The following NOL4L variants were observed in gnomAD, a reference collection of about 807,000 sequenced individuals.
NOL4L encodes nucleolar protein 4-like.
Under a neutral mutation model 64.5 loss-of-function variants are expected in NOL4L, and 7 were observed. That is an observed-to-expected ratio of 0.11 (90% CI 0.06 to 0.20). NOL4L has a LOEUF of 0.20. NOL4L is among the 10% of genes least tolerant of loss of function. The probability of loss-of-function intolerance (pLI) is 1.00; values close to 1 mark genes in which losing one functional copy is unlikely to be tolerated. For synonymous variants in NOL4L, 413 were observed against 401.0 expected (o/e 1.03, Z -0.36); for missense variants, 680 against 967.1 (o/e 0.70, Z 3.94).
chr20:32,488,851 C>CT (rs1221603538), intron 4 of NOL4L, among the ~76,000 whole-genome samples: 1 of 70,730 alleles, frequency 1.4e-5, no homozygotes, highest in East Asian at 3.5e-4. Context: ...TTCTTTCTTT[C>CT]TTTCTTTCTT....
At position 32,531,945 on chromosome 20, in the gene NOL4L, A is replaced by G. The variant is rs527379873; in HGVS notation, c.322-4032T>C. 2.0e-5 allele frequency among the ~76,000 whole-genome samples: 3 copies of G among 152,314 alleles called. No individual in the cohort carries two copies. The South Asian group carries it at 6.2e-4, about 32-fold the overall frequency. On this transcript the variant is annotated intron_variant, in intron 1 of 10. Coordinates refer to ENST00000621426, the MANE Select transcript of NOL4L (RefSeq NM_001256798.2). ...CAGTCTTATTTAATTCCTAAATAAT[A>G]TGCTAAGGCTCCCACAAACTTGGAA...
chr20:32,495,702 G>A (rs948989398), intron 4 of NOL4L, among the ~76,000 whole-genome samples: 6 of 152,124 alleles, frequency 3.9e-5, no homozygotes, highest in Non-Finnish European at 7.4e-5. Flanking sequence ...AGTGGCTCAC[G>A]TCCCAGCACT....
At position 32,486,653 on chromosome 20, in the gene NOL4L, T is replaced by C. The variant is rs141437625; in HGVS notation, c.700-11911A>G. 2.7e-3 allele frequency: 1,237 copies of C among 457,500 alleles called. 20 individuals carry two copies. Among genetic ancestry groups the C allele is most frequent in the African/African-American group, 0.021 (1,031 of 48,884 alleles). The allele number at this position is 457,500 out of a possible 1,614,324, so 28.3% of individuals were successfully genotyped here. ...ACGTCAAAACATTAAAAAAAAAAAT[T>C]ATCCCCACAAATGACTTATTAATGA... On this transcript the variant is annotated intron_variant, in intron 4 of 10. Transcript: ENST00000621426.
intron 1 of NOL4L, among the ~76,000 whole-genome samples, chr20:32,569,175 A>G (rs1411156061): frequency 1.3e-5 from 2 of 152,060 alleles, no homozygotes; most frequent in Non-Finnish European, 2.9e-5. Context: ...TGAAAAGACA[A>G]TCAGGGAGGG....
chr20:32,552,530 TACA>T (rs1456042848), intron 1 of NOL4L, among the ~76,000 whole-genome samples: 4 of 147,704 alleles, frequency 2.7e-5, no homozygotes, highest in Non-Finnish European at 6.0e-5. Flanking sequence ...CTACTAAAAG[TACA>T]ACAATTAGCC....
chr20:32,444,441 G>GTTT lies in NOL4L; in HGVS notation c.*3154_*3155insAAA, dbSNP rs1441099027. The GTTT allele has an allele frequency of 6.6e-6, 1 of 152,158 alleles. No individual in the cohort carries two copies. The highest frequency in any genetic ancestry group is 1.5e-5 in the Non-Finnish European group (1 of 68,008). 9.4% of individuals were successfully genotyped at this position (152,158 alleles called of 1,614,324 possible). On this transcript the variant is annotated 3_prime_UTR_variant, in exon 11 of 11. Transcript: ENST00000621426. ...TAATCCTGTAACCACCCTTAGAGTT[G>GTTT]TAAGTGGCCCTTGGGAATAGGGATG... is the stretch of plus-strand genomic sequence containing the variant.
rs191505227 is a variant in NOL4L at position 32,538,040 on chromosome 20, A to G, written c.322-10127T>C. On this transcript the variant is annotated intron_variant, in intron 1 of 10. Transcript: ENST00000621426. ...GTGATCCCACTGCCTCGGCCTCCAAAAGTGCTGGGATGACAGGCATGAGCC... is the reference window on the plus strand; with the variant it reads ...GTGATCCCACTGCCTCGGCCTCCAAGAGTGCTGGGATGACAGGCATGAGCC... 4.6e-3 allele frequency among the ~76,000 whole-genome samples: 694 copies of G among 152,068 alleles called. 9 individuals are homozygous for G. The highest frequency in any genetic ancestry group is 0.016 in the African/African-American group (657 of 41,482).
chr20:32,556,800 C>T (rs577276576), intron 1 of NOL4L, among the ~76,000 whole-genome samples: 1 of 152,360 alleles, frequency 6.6e-6, no homozygotes, highest in East Asian at 1.9e-4. Context: ...AGCACGTGAC[C>T]TGCCCAAGGC....
chr20:32,548,267 G>A (rs983654167), intron 1 of NOL4L, among the ~76,000 whole-genome samples: 3 of 152,192 alleles, frequency 2.0e-5, no homozygotes, highest in African/African-American at 4.8e-5. Context: ...CTCACTGGCA[G>A]GCATACAACA....
intron 4 of NOL4L, among the ~76,000 whole-genome samples, chr20:32,475,520 T>TGGCCAGGATGACTGGCCAAG (rs978863167): frequency 1.3e-5 from 2 of 152,244 alleles, no homozygotes; most frequent in Admixed American, 6.5e-5. Flanking sequence ...GGCCGGCCCT[T>TGGCCAGGATGACTGGCCAAG]GGCCAGTCAT....
chr20:32,579,509 C>T (rs1279102188), intron 1 of NOL4L, among the ~76,000 whole-genome samples: 1 of 151,834 alleles, frequency 6.6e-6, no homozygotes, highest in Non-Finnish European at 1.5e-5. Context: ...ATCCTCCCAG[C>T]AGCATTTCTG....
chr20:32,447,865 A>C (rs749063678), intron 10 of NOL4L, 49 bp from the exon 11 acceptor site: 2 of 1,514,010 alleles, frequency 1.3e-6, no homozygotes, highest in Non-Finnish European at 1.8e-6. Flanking sequence ...CCTGCCTGGC[A>C]TCTGGGAGGT....
chr20:32,511,940 A>G (rs576360465), intron 3 of NOL4L, among the ~76,000 whole-genome samples: 2 of 152,312 alleles, frequency 1.3e-5, no homozygotes, highest in South Asian at 4.1e-4. Context: ...CAGGTGGTCA[A>G]GGCTGCAGTC....
chr20:32,487,938 T>A (rs75213470), intron 4 of NOL4L, among the ~76,000 whole-genome samples: 354 of 57,804 alleles, frequency 6.1e-3, no homozygotes, highest in Non-Finnish European at 8.7e-3. Context: ...GGTTTTATTT[T>A]TTTTTTTTTT....
At chr20:32,537,178 G>A (rs1264608002) in intron 1 of NOL4L, 1 of 928,370 alleles carries the variant, frequency 1.1e-6, no homozygotes, top group Non-Finnish European at 1.3e-6. Context: ...CTGATCTCCC[G>A]TAGTCCTCAC....
At chr20:32,500,210 T>C (rs2145535742) in intron 4 of NOL4L, among the ~76,000 whole-genome samples, 1 of 152,320 alleles carries the variant, frequency 6.6e-6, no homozygotes, top group South Asian at 2.1e-4. Context: ...GCCCAGATCT[T>C]GTTTTTTTGT....
chr20:32,533,104 A>T (rs1261951630), intron 1 of NOL4L, among the ~76,000 whole-genome samples: 1 of 152,214 alleles, frequency 6.6e-6, no homozygotes, highest in Admixed American at 6.5e-5. Context: ...TGGGCAACAC[A>T]GCAAGACCCA....
intron 6 of NOL4L, chr20:32,454,017 G>C: frequency 2.0e-6 from 1 of 498,776 alleles, no homozygotes; most frequent in Non-Finnish European, 3.6e-6. Context: ...GCAGAGACCT[G>C]GTTCCCGGGG....
At chr20:32,485,076 A>AAAAAAAAAAAAAAAAAC (rs1568643120) in intron 4 of NOL4L, among the ~76,000 whole-genome samples, 1 of 148,188 alleles carries the variant, frequency 6.7e-6, no homozygotes, top group East Asian at 2.0e-4. Context: ...AAAAAAAAAA[A>AAAAAAAAAAAAAAAAAC]AAAAAAAAAA....
Sources: gnomAD v4.1 joint callset for allele counts (sites outside exome capture counted in the v4.1 genomes callset) on GRCh38, gnomAD v4.1.1 for gene constraint, MANE v1.5 for transcripts, NCBI Gene and HGNC (gene_info 2026-07-23, HGNC 2026-07-21) for gene names.